PDIA6: variants seen among roughly 807,000 people sequenced by gnomAD.
PDIA6 encodes protein disulfide-isomerase A6.
Under a neutral mutation model 58.4 loss-of-function variants are expected in PDIA6, and 29 were observed. The observed-to-expected ratio is 0.50, with a 90% CI of 0.37 to 0.68. The LOEUF (loss-of-function observed/expected upper bound fraction) is 0.68, where lower values mean the gene tolerates loss of function less well. Among genes scored for constraint, PDIA6 ranks in the 30% least tolerant of loss-of-function variants. The probability of loss-of-function intolerance (pLI) is 0.00; values close to 1 mark genes in which losing one functional copy is unlikely to be tolerated. For synonymous variants in PDIA6, 192 were observed against 202.6 expected (o/e 0.95, Z 0.44); for missense variants, 480 against 551.0 (o/e 0.87, Z 1.29).
intron 5 of PDIA6, among the ~76,000 whole-genome samples, chr2:10,792,779 C>T (rs1289603251): frequency 6.6e-6 from 1 of 152,154 alleles, no homozygotes; most frequent in Admixed American, 6.5e-5. Context: ...TAGAGGAAAA[C>T]CCGTCCATCC....
At chr2:10,836,697 GCCAATCTTCC>G (rs1298406838), upstream of PDIA6, among the ~76,000 whole-genome samples, 1 of 151,984 alleles carries the variant, frequency 6.6e-6, no homozygotes, top group Non-Finnish European at 1.5e-5. Flanking sequence ...AGAAACCTGT[GCCAATCTTCC>G]CCTTCGCTTA....
upstream of PDIA6, among the ~76,000 whole-genome samples, chr2:10,813,059 G>T (rs1001008623): frequency 7.9e-5 from 12 of 152,136 alleles, no homozygotes; most frequent in Non-Finnish European, 1.6e-4. Context: ...TCGGAGGGGA[G>T]TCCAGTACTG....
intron 1 of PDIA6, among the ~76,000 whole-genome samples, chr2:10,804,026 A>G (rs1484979169): frequency 2.0e-5 from 3 of 149,038 alleles, no homozygotes; most frequent in Non-Finnish European, 4.4e-5. Flanking sequence ...CTCCTGCCTC[A>G]ACCTCCTGAG....
At chr2:10,802,682 A>G in intron 1 of PDIA6, 42 bp from the exon 2 acceptor site, 4 of 1,348,714 alleles carry the variant, frequency 3.0e-6, no homozygotes, top group Non-Finnish European at 3.8e-6. Flanking sequence ...AGCACTGTTC[A>G]TGCTTTGACT....
intron 2 of PDIA6, among the ~76,000 whole-genome samples, chr2:10,801,814 C>T (rs1221522200): frequency 6.6e-6 from 1 of 152,200 alleles, no homozygotes; most frequent in Non-Finnish European, 1.5e-5. Context: ...CCATCAGGTT[C>T]TAATATCCCT....
intron 1 of PDIA6, among the ~76,000 whole-genome samples, chr2:10,829,736 G>C (rs1667651676): frequency 6.6e-6 from 1 of 152,068 alleles, no homozygotes. Context: ...GTACATAGTA[G>C]GTGTACATAT....
At chr2:10,830,562 G>C (rs1667681998) in intron 1 of PDIA6, among the ~76,000 whole-genome samples, 1 of 152,252 alleles carries the variant, frequency 6.6e-6, no homozygotes, top group Non-Finnish European at 1.5e-5. Flanking sequence ...GGACAAAAGA[G>C]GATTCTAAGT....
At chr2:10,785,151 CTT>C in intron 11 of PDIA6, 121 bp from the exon 12 acceptor site, 1 of 676,338 alleles carries the variant, frequency 1.5e-6, no homozygotes, top group Non-Finnish European at 2.6e-6. Context: ...TTTCTTCTCT[CTT>C]GCTGCACTAC....
upstream of PDIA6, chr2:10,837,374 T>C: frequency 1.7e-6 from 1 of 589,732 alleles, no homozygotes; most frequent in Non-Finnish European, 3.0e-6. Context: ...TTTGCAAAGA[T>C]GCACTCAATA....
At position 10,787,448 on chromosome 2, in the gene PDIA6, C is replaced by T. The variant is rs1288869128; in HGVS notation, c.999-9G>A. The T allele has an allele frequency of 1.9e-6, 3 of 1,605,480 alleles. No homozygotes were observed. Among genetic ancestry groups the T allele is most frequent in the Non-Finnish European group, 8.5e-7 (1 of 1,175,672 alleles). On this transcript the variant is annotated splice_polypyrimidine_tract_variant and intron_variant, in intron 10 of 12. Transcript: ENST00000272227. ...CTTCTGTCCACAGCCACCTAGAAAA[C>T]CAGACTGGTTTTTAGGGCAAATATG...
At chr2:10,808,171 T>A (rs1666838652) in intron 1 of PDIA6, among the ~76,000 whole-genome samples, 1 of 152,266 alleles carries the variant, frequency 6.6e-6, no homozygotes, top group African/African-American at 2.4e-5. Flanking sequence ...TTATGCTTTC[T>A]AGAAGGAGTA....
At chr2:10,829,626 G>A (rs1251204400) in intron 1 of PDIA6, among the ~76,000 whole-genome samples, 2 of 152,180 alleles carry the variant, frequency 1.3e-5, no homozygotes, top group Non-Finnish European at 2.9e-5. Context: ...TAAGTGGCAT[G>A]TTCTCCTCTC....
At chr2:10,819,256 G>C in intron 2 of PDIA6, 1 of 1,452,440 alleles carries the variant, frequency 6.9e-7, no homozygotes, top group Non-Finnish European at 9.5e-7. Flanking sequence ...TCCTACTCTG[G>C]GAGTTTCCTC....
At chr2:10,820,683 A>G in intron 1 of PDIA6, 1 of 684,774 alleles carries the variant, frequency 1.5e-6, no homozygotes, top group Non-Finnish European at 2.7e-6. Flanking sequence ...TGTCCTCACT[A>G]TCTGTCTAAA....
intron 1 of PDIA6, among the ~76,000 whole-genome samples, chr2:10,822,926 G>T (rs1667442090): frequency 6.6e-6 from 1 of 152,186 alleles, no homozygotes; most frequent in South Asian, 2.1e-4. Context: ...ATGATGCCTG[G>T]TCTCCAGCTG....
chr2:10,802,617 G>A lies in PDIA6; in HGVS notation c.43C>T (p.Leu15=). 1 of 1,475,078 alleles carries A rather than the reference G, an allele frequency of 6.8e-7. No individual in the cohort carries two copies. Among genetic ancestry groups the A allele is most frequent in the Non-Finnish European group, 9.0e-7 (1 of 1,114,394 alleles). 91.4% of individuals were successfully genotyped at this position (1,475,078 alleles called of 1,614,324 possible). A position where few individuals can be genotyped will look rare whatever the true frequency, so the allele number is the denominator to read the frequency against. ...GAGGAATACAGACCATTCACTGCCA[G>A]AAAGAAGGTACAGCTCACCAGACCT... ...VLGLVSCTFF[L]AVNGLYSSSD... Residue 15 remains leucine (L), a synonymous_variant, in exon 2 of 13, where the codon CTG becomes TTG. Transcript: ENST00000272227.
chr2:10,798,223 A>G (rs186695063), intron 2 of PDIA6, among the ~76,000 whole-genome samples: 1 of 152,072 alleles, frequency 6.6e-6, no homozygotes, highest in Non-Finnish European at 1.5e-5. Flanking sequence ...AAATAGGATC[A>G]GCAACCTGGA....
Position 10,826,560 on chromosome 2 carries a change from A to C in PDIA6, c.-48+5642T>G, listed in dbSNP as rs1410310574. Among the ~76,000 whole-genome samples, 3 of 152,086 alleles carry C rather than the reference A, an allele frequency of 2.0e-5. No individual in the cohort carries two copies. The East Asian group carries it at 5.8e-4, about 29-fold the overall frequency. On this transcript the variant is annotated intron_variant, in intron 1 of 13. Transcript: ENST00000381611. ...TTTTTAGTAGAGAGGAGGTTTTGCCATGTTGGCCAGGCTGGTCTCAAACCC... is the reference window on the plus strand; with the variant it reads ...TTTTTAGTAGAGAGGAGGTTTTGCCCTGTTGGCCAGGCTGGTCTCAAACCC...
intron 4 of PDIA6, among the ~76,000 whole-genome samples, chr2:10,796,500 TAAA>T (rs79164237): frequency 6.0e-5 from 8 of 132,288 alleles, no homozygotes; most frequent in Admixed American, 7.7e-5. Context: ...CTCTGTCTCT[TAAA>T]AAAAAAAAAA....
Sources: gnomAD v4.1 joint callset for allele counts (sites outside exome capture counted in the v4.1 genomes callset) on GRCh38, gnomAD v4.1.1 for gene constraint, MANE v1.5 for transcripts, NCBI Gene and HGNC (gene_info 2026-07-23, HGNC 2026-07-21) for gene names.